Variants in NOS2 observed in about 807,000 individuals in gnomAD.
NOS2 encodes nitric oxide synthase 2, also known as nitric oxide synthase, inducible.
In NOS2, 96 loss-of-function variants were observed where a neutral mutation model predicts 136.0. That is an observed-to-expected ratio of 0.71 (90% CI 0.60 to 0.84). The LOEUF (loss-of-function observed/expected upper bound fraction) is 0.84, where lower values mean the gene tolerates loss of function less well. Ranked by LOEUF, NOS2 falls within the 40% of genes least tolerant of loss-of-function variation. The pLI, the probability that NOS2 is intolerant of heterozygous loss-of-function variation, is 0.00. For missense variants in NOS2, 1,237 were observed against 1,496.9 expected, an observed-to-expected ratio of 0.83 and a Z score of 2.87; for synonymous variants, 539 against 587.5, an observed-to-expected ratio of 0.92 and a Z score of 1.20.
At chr17:27,764,948 G>A (rs534029221) in intron 20 of NOS2, among the ~76,000 whole-genome samples, 55 of 152,282 alleles carry the variant, frequency 3.6e-4, no homozygotes, top group Non-Finnish European at 7.2e-4. Flanking sequence ...CTGGACAGTG[G>A]GGGTCACTGC....
intron 18 of NOS2, 82 bp from the exon 19 acceptor site, chr17:27,766,670 G>T: frequency 1.8e-6 from 2 of 1,100,460 alleles, no homozygotes; most frequent in South Asian, 1.2e-5. Flanking sequence ...CTGAGTCAGT[G>T]ACATCTGAAC....
chr17:27,800,064 A>T (rs1414001593), intron 1 of NOS2, among the ~76,000 whole-genome samples: 4 of 152,232 alleles, frequency 2.6e-5, no homozygotes, highest in East Asian at 1.9e-4. Flanking sequence ...AATCTCTGTT[A>T]AAAAAAATTC....
chr17:27,785,981 A>G lies in NOS2; in HGVS notation c.467+1697T>C, dbSNP rs1006194082. ...TCAAAAAAAAAAAAAAAAAAAAAAA[A>G]AAGACAAAGAAAAGTGGAGGTGGTA... On this transcript the variant is annotated intron_variant, in intron 5 of 26. Transcript: ENST00000313735. Among the ~76,000 whole-genome samples, 39 of 149,818 alleles carry G rather than the reference A, an allele frequency of 2.6e-4. 1 individual carries two copies. Among genetic ancestry groups the G allele is most frequent in the Non-Finnish European group, 4.6e-4 (31 of 67,290 alleles).
At chr17:27,792,207 T>C (rs1298795489) in intron 2 of NOS2, among the ~76,000 whole-genome samples, 1 of 152,268 alleles carries the variant, frequency 6.6e-6, no homozygotes, top group African/African-American at 2.4e-5. Context: ...GATGTTAGAC[T>C]GTGTCTAGTT....
In NOS2 at chr17:27,783,157, G is replaced by A. The variant is rs765764667; in HGVS notation, c.468-51C>T. 5.7e-6 allele frequency: 9 copies of A among 1,587,614 alleles called. No homozygotes were observed. The Admixed American group carries it at 1.0e-4, about 18-fold the overall frequency. The stretch of plus-strand genomic sequence containing the variant: ...GATCAACAATGAGATGGCCTTACAT[G>A]GGGATTAATTCAATCCACAGAAGCA... On this transcript the variant is annotated intron_variant, in intron 5 of 26. Coordinates refer to ENST00000313735, the MANE Select transcript of NOS2 (RefSeq NM_000625.4).
chr17:27,757,358 T>TAAA lies in NOS2; in HGVS notation c.3355-6_3355-5insTTT, dbSNP rs1907961358. 1 of 1,613,750 alleles carries TAAA rather than the reference T, an allele frequency of 6.2e-7. No individual in the cohort carries two copies. On this transcript the variant is annotated splice_region_variant and splice_polypyrimidine_tract_variant and intron_variant, in intron 26 of 26. Transcript: ENST00000313735. ...TTCGTGATAGCGCTTCTGGCTCTTTTAGGTAAAAACAGAGAGCAACGTGTC... is the reference window on the plus strand; with the variant it reads ...TTCGTGATAGCGCTTCTGGCTCTTTTAAAAGGTAAAAACAGAGAGCAACGTGTC...
chr17:27,766,525 T>C lies in NOS2; in HGVS notation c.2231A>G (p.Gln744Arg), dbSNP rs201537561. The change falls in exon 19 of 27, where the codon CAA becomes CGA. Residue 744 changes from glutamine (Q) to arginine (R), a missense_variant. This residue lies in a region of NOS2 where 782 missense variants were observed against 909.9 expected (regional missense o/e 0.86). Transcript: ENST00000313735. ...TMRLKSRQNLQSPTSSRATIL... is the reference protein window; with the variant it reads ...TMRLKSRQNLRSPTSSRATIL... Reference sequence around the variant, plus strand: ...TTTCCCTTACCTGGATGTCGGACTTTGTAGATTCTGCCGAGATTTGAGCCT... The same window carrying C: ...TTTCCCTTACCTGGATGTCGGACTTCGTAGATTCTGCCGAGATTTGAGCCT... 79 of 1,613,968 alleles carry C rather than the reference T, an allele frequency of 4.9e-5. No homozygotes were observed. The highest frequency in any genetic ancestry group is 6.4e-5 in the Non-Finnish European group (76 of 1,179,948).
In NOS2 at chr17:27,787,687, G is replaced by A. The variant is rs772229153; in HGVS notation, c.458C>T (p.Ser153Phe). ...AGGAGGCAAGCCTTACTCTTTGAAG[G>A]AGCCGTAATATTGGTTGACAAATTC... ...AIEFVNQYYG[S>F]FKEAKIEEHL... The change falls in exon 5 of 27, where the codon TCC becomes TTC. Residue 153 changes from serine (S) to phenylalanine (F), a missense_variant. Physicochemically the swap from Ser to Phe is radical, Grantham distance 155. Transcript: ENST00000313735. 5.0e-6 allele frequency: 8 copies of A among 1,612,306 alleles called. No homozygotes were observed. The highest frequency in any genetic ancestry group is 2.7e-5 in the African/African-American group (2 of 74,910).
chr17:27,769,177 C>A, intron 16 of NOS2, 26 bp from the exon 17 acceptor site: 1 of 1,583,994 alleles, frequency 6.3e-7, no homozygotes, highest in Non-Finnish European at 8.6e-7. Context: ...CACAGAGACA[C>A]ATGTCCCATG....
intron 13 of NOS2, 133 bp downstream of exon 13, chr17:27,773,028 C>T (rs1488712279): frequency 3.8e-6 from 3 of 785,874 alleles, no homozygotes; most frequent in Admixed American, 1.9e-5. Flanking sequence ...GAGTAAGACC[C>T]TGTCTCAAAA....
At chr17:27,778,324 A>G (rs1415446498) in intron 11 of NOS2, among the ~76,000 whole-genome samples, 4 of 152,170 alleles carry the variant, frequency 2.6e-5, no homozygotes, top group Admixed American at 2.6e-4. Flanking sequence ...AGGGTGAGGC[A>G]GTGGCTGGAG....
Position 27,774,688 on chromosome 17 carries a change from T to G in NOS2, c.1282-237A>C, listed in dbSNP as rs757202012. Among the ~76,000 whole-genome samples, 3 of 152,226 alleles carry G rather than the reference T, an allele frequency of 2.0e-5. No individual in the cohort carries two copies. The East Asian group carries it at 5.8e-4, about 29-fold the overall frequency. On this transcript the variant is annotated intron_variant, in intron 11 of 26. Coordinates refer to ENST00000313735, the MANE Select transcript of NOS2 (RefSeq NM_000625.4). ...AGTCAGGGTCAGCCCACAGGTCCCA[T>G]GGGGGCCTCCCTTAAGTCTTTGAGG... is the stretch of plus-strand genomic sequence containing the variant.
Position 27,771,037 on chromosome 17 carries a change from A to G in NOS2, c.1705-20T>C. The G allele has an allele frequency of 6.3e-7, 1 of 1,592,750 alleles. No individual in the cohort carries two copies. Among genetic ancestry groups the G allele is most frequent in the Non-Finnish European group, 8.6e-7 (1 of 1,161,808 alleles). ...GACAACCTGGATGGCACCCAAGTGG[A>G]CATCAGCCCTCGGCTCCCAGTAGGG... On this transcript the variant is annotated intron_variant, in intron 14 of 26. Coordinates refer to ENST00000313735, the MANE Select transcript of NOS2 (RefSeq NM_000625.4).
At position 27,756,965 on chromosome 17, in the gene NOS2, A is replaced by G. The variant is rs756450625; in HGVS notation, c.*281T>C. On this transcript the variant is annotated 3_prime_UTR_variant, in exon 27 of 27. Coordinates refer to ENST00000313735, the MANE Select transcript of NOS2 (RefSeq NM_000625.4). ...ACTTGAAGTGGTGCACTCAGCAGCA[A>G]GTTCCATCTTTCACCCACTTGCCAG... 3.2e-4 allele frequency: 123 copies of G among 390,328 alleles called. No individual in the cohort carries two copies. Among genetic ancestry groups the G allele is most frequent in the Admixed American group, 4.9e-4 (11 of 22,422 alleles). The allele number at this position is 390,328 out of a possible 1,614,324, so 24.2% of individuals were successfully genotyped here. A position where few individuals can be genotyped will look rare whatever the true frequency, so the allele number is the denominator to read the frequency against.
At chr17:27,776,324 C>G (rs564377971) in intron 11 of NOS2, among the ~76,000 whole-genome samples, 82 of 152,276 alleles carry the variant, frequency 5.4e-4, no homozygotes, top group Middle Eastern at 6.8e-3. Flanking sequence ...GGCTCTCATT[C>G]ACTTATTCTT....
At chr17:27,789,079 C>T (rs760168228) in intron 3 of NOS2, 148 bp from the exon 4 acceptor site, 3 of 1,098,302 alleles carry the variant, frequency 2.7e-6, no homozygotes, top group Non-Finnish European at 3.8e-6. Context: ...CCCGGGCGAC[C>T]TGGGCCAGTG....
chr17:27,798,830 G>C lies in NOS2; in HGVS notation c.-21C>G, dbSNP rs372480053. ...GCCATCTCTATGGCTTTACAAAGCA[G>C]GTCACTTATGTCACTTATCTGGATT... On this transcript the variant is annotated 5_prime_UTR_variant, in exon 2 of 27. Transcript: ENST00000313735. 6.3e-6 allele frequency: 9 copies of C among 1,437,158 alleles called. No individual in the cohort carries two copies. The highest frequency in any genetic ancestry group is 1.1e-5 in the South Asian group (1 of 87,600). The allele number at this position is 1,437,158 out of a possible 1,614,324, so 89.0% of individuals were successfully genotyped here. A position where few individuals can be genotyped will look rare whatever the true frequency, so the allele number is the denominator to read the frequency against.
intron 2 of NOS2, chr17:27,793,862 T>G: frequency 5.5e-6 from 2 of 365,254 alleles, no homozygotes; most frequent in East Asian, 4.0e-5. Flanking sequence ...CTTCCCTGCC[T>G]TCCCCGGCGA....
intron 18 of NOS2, 113 bp from the exon 19 acceptor site, chr17:27,766,701 C>T: frequency 1.3e-6 from 1 of 782,042 alleles, no homozygotes; most frequent in South Asian, 1.4e-5. Context: ...GGGCATCCTG[C>T]TGAGGTGGCC....
Sources: allele counts gnomAD v4.1 joint callset (sites outside exome capture counted in the v4.1 genomes callset), GRCh38; gene constraint gnomAD v4.1.1; regional missense constraint gnomAD v4.1.1; transcripts MANE v1.5; gene names NCBI Gene and HGNC (gene_info 2026-07-23, HGNC 2026-07-21).